The following SMYD1 variants were observed in gnomAD, a reference collection of about 807,000 sequenced individuals.
The protein encoded by SMYD1 is SET and MYND domain containing 1, also known as histone-lysine N-methyltransferase SMYD1.
Under a neutral mutation model 54.0 loss-of-function variants are expected in SMYD1, and 49 were observed. The observed-to-expected ratio is 0.91, with a 90% CI of 0.72 to 1.15. SMYD1 has a LOEUF of 1.15. Among genes scored for constraint, SMYD1 ranks in the 50% most tolerant of loss-of-function variants. The pLI, the probability that SMYD1 is intolerant of heterozygous loss-of-function variation, is 0.00. For missense variants in SMYD1, 653 were observed against 639.6 expected, an observed-to-expected ratio of 1.02 and a Z score of -0.23; for synonymous variants, 269 against 234.2, an observed-to-expected ratio of 1.15 and a Z score of -1.36.
intron 4 of SMYD1, among the ~76,000 whole-genome samples, chr2:88,093,231 T>G (rs1674502388): frequency 6.6e-6 from 1 of 152,164 alleles, no homozygotes; most frequent in Non-Finnish European, 1.5e-5. Flanking sequence ...CTCATGACAG[T>G]CTCATTACAG....
At chr2:88,081,052 G>T (rs113526261) in intron 1 of SMYD1, among the ~76,000 whole-genome samples, 1 of 151,922 alleles carries the variant, frequency 6.6e-6, no homozygotes. Context: ...ACAGGTGCCC[G>T]TCACCACGCC....
intron 4 of SMYD1, among the ~76,000 whole-genome samples, chr2:88,092,740 G>A (rs190964223): frequency 9.2e-4 from 140 of 152,330 alleles, no homozygotes; most frequent in African/African-American, 3.2e-3. Flanking sequence ...TAGAGGGGCT[G>A]TTGACTGAGC....
At chr2:88,077,599 C>G (rs932002446) in intron 1 of SMYD1, among the ~76,000 whole-genome samples, 1 of 152,148 alleles carries the variant, frequency 6.6e-6, no homozygotes, top group Non-Finnish European at 1.5e-5. Flanking sequence ...CTGAAGGTCA[C>G]CCAGCTAAGA....
chr2:88,077,986 A>G (rs1055887711), intron 1 of SMYD1, among the ~76,000 whole-genome samples: 1 of 152,102 alleles, frequency 6.6e-6, no homozygotes, highest in African/African-American at 2.4e-5. Context: ...CGGCCTCCCA[A>G]AGTGCTGGGA....
At chr2:88,108,230 C>T (rs979169144) in intron 8 of SMYD1, 141 bp from the exon 9 acceptor site, 24 of 731,716 alleles carry the variant, frequency 3.3e-5, no homozygotes, top group Non-Finnish European at 4.7e-5. Context: ...CTCAGTTCCC[C>T]CTTGGCGGCT....
At chr2:88,081,268 C>T (rs1674184994) in intron 1 of SMYD1, among the ~76,000 whole-genome samples, 1 of 152,014 alleles carries the variant, frequency 6.6e-6, no homozygotes, top group South Asian at 2.1e-4. Flanking sequence ...CAGAACCTAT[C>T]AAAGTGTTAT....
chr2:88,106,588 C>A lies in SMYD1; in HGVS notation c.1145+100C>A, dbSNP rs150946339. Reference sequence around the variant, plus strand: ...TTTACTGGTGCCTCTCCCTCCTATACCCACAGCAGGCGTCAGTAATCCATC... The same window carrying A: ...TTTACTGGTGCCTCTCCCTCCTATAACCACAGCAGGCGTCAGTAATCCATC... On this transcript the variant is annotated intron_variant, in intron 8 of 9. Coordinates refer to ENST00000419482, the MANE Select transcript of SMYD1 (RefSeq NM_198274.4). 6.6e-4 allele frequency: 841 copies of A among 1,277,580 alleles called. 4 individuals are homozygous for A. The African/African-American group carries it at 0.011, about 17-fold the overall frequency. The allele number at this position is 1,277,580 out of a possible 1,614,324, so 79.1% of individuals were successfully genotyped here. A position where few individuals can be genotyped will look rare whatever the true frequency, so the allele number is the denominator to read the frequency against.
At position 88,108,484 on chromosome 2, in the gene SMYD1, A is replaced by T; in HGVS notation, c.1259A>T (p.Tyr420Phe). 3 of 1,611,384 alleles carry T rather than the reference A, an allele frequency of 1.9e-6. No homozygotes were observed. Among genetic ancestry groups the T allele is most frequent in the Non-Finnish European group, 2.5e-6 (3 of 1,178,892 alleles). The change falls in exon 9 of 10, where the codon TAT becomes TTT. Residue 420 changes from tyrosine (Y) to phenylalanine (F), a missense_variant. Tyr to Phe is a conservative substitution (Grantham distance 22). Coordinates refer to ENST00000419482, the MANE Select transcript of SMYD1 (RefSeq NM_198274.4). Reference protein sequence around the residue: ...EVGHGMICKAYAILLVTHGPS... With the variant: ...EVGHGMICKAFAILLVTHGPS... Reference sequence around the variant, plus strand: ...GGGCACGGGATGATCTGCAAAGCCTATGCCATTCTCCTGGTGACACACGGA... The same window carrying T: ...GGGCACGGGATGATCTGCAAAGCCTTTGCCATTCTCCTGGTGACACACGGA...
At chr2:88,109,658 G>A (rs569168128) in intron 9 of SMYD1, among the ~76,000 whole-genome samples, 4 of 152,262 alleles carry the variant, frequency 2.6e-5, no homozygotes, top group South Asian at 2.1e-4. Context: ...TAGGACTGGC[G>A]TGGTCTCAGA....
At position 88,107,723 on chromosome 2, in the gene SMYD1, G is replaced by T. The variant is rs1476451708; in HGVS notation, c.1146-648G>T. Among the ~76,000 whole-genome samples the T allele has an allele frequency of 2.6e-5, 4 of 152,286 alleles. 1 individual carries two copies. In the South Asian group the frequency reaches 6.2e-4, roughly 24 times the overall value. On this transcript the variant is annotated intron_variant, in intron 8 of 9. Transcript: ENST00000419482. ...TGCTAGCAATGAGCGAGGCTCCATG[G>T]GTGTAGGACCCTCCGAGCGAGGCGT...
chr2:88,109,585 C>T (rs1674963319), intron 9 of SMYD1, among the ~76,000 whole-genome samples: 1 of 152,126 alleles, frequency 6.6e-6, no homozygotes, highest in Non-Finnish European at 1.5e-5. Context: ...TGTCCTCAGA[C>T]AGTACAGTCT....
Position 88,084,377 on chromosome 2 carries a change from C to G in SMYD1, c.199C>G (p.Gln67Glu). ...GCAGGAGAAGCTCCATCGCTGTGGG[C>G]AGTGCAAGTTTGCCCATTACTGCGA... ...KRQEKLHRCG[Q>E]CKFAHYCDRT... Residue 67 changes from glutamine (Q) to glutamate (E), a missense_variant, in exon 2 of 10, where the codon CAG (glutamine) becomes GAG (glutamate). Physicochemically the swap from Gln to Glu is conservative, Grantham distance 29. Transcript: ENST00000419482. The G allele has an allele frequency of 6.2e-7, 1 of 1,603,940 alleles. No individual in the cohort carries two copies. The highest frequency in any genetic ancestry group is 1.7e-4 in the Middle Eastern group (1 of 6,032).
At chr2:88,092,997 G>T (rs1327220305) in intron 4 of SMYD1, among the ~76,000 whole-genome samples, 2 of 152,188 alleles carry the variant, frequency 1.3e-5, no homozygotes, top group African/African-American at 4.8e-5. Context: ...TTCCTGTCTA[G>T]CCACCTGCCA....
intron 9 of SMYD1, 86 bp from the exon 10 acceptor site, chr2:88,110,268 G>C: frequency 7.0e-7 from 1 of 1,429,248 alleles, no homozygotes; most frequent in South Asian, 1.4e-5. Flanking sequence ...CTCCGTGGCT[G>C]GAAATAATTT....
chr2:88,084,861 C>T (rs1435048929), intron 2 of SMYD1, among the ~76,000 whole-genome samples: 1 of 152,122 alleles, frequency 6.6e-6, no homozygotes, highest in East Asian at 1.9e-4. Context: ...AGTGATCCTC[C>T]CACTTCAGCC....
chr2:88,095,569 A>G (rs901039579), intron 5 of SMYD1, among the ~76,000 whole-genome samples: 2 of 152,132 alleles, frequency 1.3e-5, no homozygotes, highest in Non-Finnish European at 2.9e-5. Context: ...CTGGAAGGTA[A>G]AAGAAGTGAC....
chr2:88,096,671 A>G lies in SMYD1; in HGVS notation c.775A>G (p.Ser259Gly). 1 of 1,614,174 alleles carries G rather than the reference A, an allele frequency of 6.2e-7. No homozygotes were observed. Among genetic ancestry groups the G allele is most frequent in the Non-Finnish European group, 8.5e-7 (1 of 1,180,016 alleles). Reference sequence around the variant, plus strand: ...GTCCTATATTGACTTCCTCAACGTTAGTGAAGAACGCAAGAGGCAGCTGAA... The same window carrying G: ...GTCCTATATTGACTTCCTCAACGTTGGTGAAGAACGCAAGAGGCAGCTGAA... ...TVSYIDFLNVSEERKRQLKKQ... is the reference protein window; with the variant it reads ...TVSYIDFLNVGEERKRQLKKQ... Residue 259 changes from serine to glycine, a missense_variant, in exon 6 of 10, where the codon AGT (serine) becomes GGT (glycine). Physicochemically the swap from Ser to Gly is moderately conservative, Grantham distance 56. Coordinates refer to ENST00000419482, the MANE Select transcript of SMYD1 (RefSeq NM_198274.4).
At chr2:88,099,227 T>C (rs1343270401) in intron 6 of SMYD1, among the ~76,000 whole-genome samples, 1 of 152,094 alleles carries the variant, frequency 6.6e-6, no homozygotes, top group Non-Finnish European at 1.5e-5. Flanking sequence ...GCTGGGACCA[T>C]GGTGCATGTC....
Position 88,113,010 on chromosome 2 carries a change from C to G in SMYD1, c.*2498C>G, listed in dbSNP as rs752351229. ...ATCTTGCATTTGAGCTCCAGCCCCACTCATCCTCTCGGATGTTCTGCAGGC... is the reference window on the plus strand; with the variant it reads ...ATCTTGCATTTGAGCTCCAGCCCCAGTCATCCTCTCGGATGTTCTGCAGGC... On this transcript the variant is annotated 3_prime_UTR_variant, in exon 10 of 10. Coordinates refer to ENST00000419482, the MANE Select transcript of SMYD1 (RefSeq NM_198274.4). 6.6e-6 allele frequency: 1 copy of G among 152,262 alleles called. No homozygotes were observed. Among genetic ancestry groups the G allele is most frequent in the Non-Finnish European group, 1.5e-5 (1 of 68,074 alleles). 9.4% of individuals were successfully genotyped at this position (152,262 alleles called of 1,614,324 possible).
Sources: gnomAD v4.1 joint callset for allele counts (sites outside exome capture counted in the v4.1 genomes callset) on GRCh38, gnomAD v4.1.1 for gene constraint, MANE v1.5 for transcripts, NCBI Gene and HGNC (gene_info 2026-07-23, HGNC 2026-07-21) for gene names.